Variants in NBAS observed in about 807,000 individuals in gnomAD.
NBAS encodes the protein NAG/BC035112 fusion.
In NBAS, 219 loss-of-function variants were observed where a neutral mutation model predicts 302.5. The ratio of observed to expected loss-of-function variants is 0.72; its 90% CI spans 0.65 to 0.81. The LOEUF is 0.81. Ranked by LOEUF, NBAS falls within the 30% of genes least tolerant of loss-of-function variation. The pLI is 0.00. For missense variants in NBAS, 2,932 were observed against 2,841.6 expected (o/e 1.03, Z -0.72); for synonymous variants, 1,118 against 1,021.6 (o/e 1.09, Z -1.80).
At chr2:14,858,955 A>G in the NBAS span, among the ~76,000 whole-genome samples, 2 of 152,050 alleles carry the variant, frequency 1.3e-5, no homozygotes, top group Non-Finnish European at 1.5e-5. Context: ...TACATCTACC[A>G]TGTACCCACA....
intron 44 of NBAS, among the ~76,000 whole-genome samples, chr2:15,241,806 A>G (rs1379373657): frequency 6.6e-6 from 1 of 152,130 alleles, no homozygotes; most frequent in African/African-American, 2.4e-5. Context: ...TTTTTTTTAA[A>G]TAAGCTCCCC....
the NBAS span, among the ~76,000 whole-genome samples, chr2:15,132,798 G>T: frequency 6.6e-6 from 1 of 151,026 alleles, no homozygotes; most frequent in African/African-American, 2.4e-5. Flanking sequence ...TTAATGATTA[G>T]AGCTTCTTTT....
intron 11 of NBAS, among the ~76,000 whole-genome samples, chr2:15,494,840 T>C (rs1681005619): frequency 6.6e-6 from 1 of 152,196 alleles, no homozygotes; most frequent in African/African-American, 2.4e-5. Flanking sequence ...ATATCTCTGA[T>C]GTGCACCTCC....
chr2:15,027,030 T>C, the NBAS span, among the ~76,000 whole-genome samples: 1 of 152,164 alleles, frequency 6.6e-6, no homozygotes, highest in African/African-American at 2.4e-5. Context: ...TAATACCTGG[T>C]CTCTACTCCC....
At chr2:15,250,937 A>G (rs951285326) in intron 44 of NBAS, among the ~76,000 whole-genome samples, 3 of 152,202 alleles carry the variant, frequency 2.0e-5, no homozygotes, top group South Asian at 4.1e-4. Context: ...ATACCATTTG[A>G]CCCAGCAATC....
chr2:15,352,217 C>A, intron 34 of NBAS, 136 bp from the exon 35 acceptor site: 1 of 666,130 alleles, frequency 1.5e-6, no homozygotes, highest in South Asian at 1.7e-5. Flanking sequence ...TGGTAACAGG[C>A]TTACTTCAGG....
At chr2:14,889,470 G>A in the NBAS span, among the ~76,000 whole-genome samples, 2 of 152,182 alleles carry the variant, frequency 1.3e-5, no homozygotes, top group Non-Finnish European at 2.9e-5. Flanking sequence ...TCATATGGAA[G>A]TATAAGAATC....
intron 38 of NBAS, among the ~76,000 whole-genome samples, chr2:15,316,414 G>A (rs752688677): frequency 2.0e-5 from 3 of 152,216 alleles, no homozygotes; most frequent in African/African-American, 7.2e-5. Flanking sequence ...GAAGTAGGGC[G>A]GGGTGTTGCC....
At chr2:15,144,817 T>C in the NBAS span, among the ~76,000 whole-genome samples, 1 of 152,236 alleles carries the variant, frequency 6.6e-6, no homozygotes, top group Non-Finnish European at 1.5e-5. Flanking sequence ...GATCTGGTTT[T>C]AGCACATGCA....
intron 7 of NBAS, among the ~76,000 whole-genome samples, chr2:15,536,831 T>C (rs1314088078): frequency 2.0e-5 from 3 of 152,046 alleles, no homozygotes; most frequent in African/African-American, 7.3e-5. Context: ...TGTATGTCAA[T>C]TGCAGAAAAA....
intron 35 of NBAS, among the ~76,000 whole-genome samples, chr2:15,342,425 G>A (rs1453414131): frequency 6.6e-6 from 1 of 152,076 alleles, no homozygotes; most frequent in Admixed American, 6.5e-5. Context: ...ACACATACCA[G>A]TATTACATGA....
chr2:15,071,589 A>C, the NBAS span, among the ~76,000 whole-genome samples: 2 of 147,636 alleles, frequency 1.4e-5, no homozygotes, highest in Non-Finnish European at 3.0e-5. Flanking sequence ...GTGCCACTGC[A>C]CTCCAGCCTG....
rs536766572 is a variant in NBAS, at chr2:15,443,926, C to T, written c.2340-16132G>A. On this transcript the variant is annotated intron_variant, in intron 21 of 51. Transcript: ENST00000281513. Reference sequence around the variant, plus strand: ...CAATTGCTTCAAAGAGAATAAAATACCTAGGAATCCAACTTACAAGGGATG... The same window carrying T: ...CAATTGCTTCAAAGAGAATAAAATATCTAGGAATCCAACTTACAAGGGATG... Among the ~76,000 whole-genome samples, 651 of 152,022 alleles carry T rather than the reference C, an allele frequency of 4.3e-3. 6 individuals are homozygous for T. Among genetic ancestry groups the T allele is most frequent in the African/African-American group, 0.015 (619 of 41,420 alleles).
intron 44 of NBAS, among the ~76,000 whole-genome samples, chr2:15,240,562 A>G (rs1027033822): frequency 2.0e-5 from 3 of 152,028 alleles, no homozygotes; most frequent in Non-Finnish European, 4.4e-5. Context: ...GGCTGCAGTG[A>G]GCCGAGATCG....
At chr2:14,845,883 A>G in the NBAS span, among the ~76,000 whole-genome samples, 1 of 151,890 alleles carries the variant, frequency 6.6e-6, no homozygotes, top group Non-Finnish European at 1.5e-5. Context: ...AAAAAAGAAT[A>G]AAAAACAAAG....
intron 49 of NBAS, among the ~76,000 whole-genome samples, chr2:15,187,818 G>A (rs554366605): frequency 2.0e-5 from 3 of 152,244 alleles, no homozygotes; most frequent in African/African-American, 7.2e-5. Flanking sequence ...TATTCCTTGG[G>A]CCCTGAAAAG....
At chr2:15,244,399 A>G (rs1667996952) in intron 44 of NBAS, among the ~76,000 whole-genome samples, 1 of 152,048 alleles carries the variant, frequency 6.6e-6, no homozygotes, top group Non-Finnish European at 1.5e-5. Flanking sequence ...AGAACAAAGG[A>G]TAACAAGGTT....
At chr2:15,006,717 C>G in the NBAS span, among the ~76,000 whole-genome samples, 1 of 152,158 alleles carries the variant, frequency 6.6e-6, no homozygotes, top group Non-Finnish European at 1.5e-5. Context: ...AAATGTCTCT[C>G]CCAACTTTCC....
chr2:15,315,909 C>G (rs1671487440), intron 38 of NBAS, among the ~76,000 whole-genome samples: 1 of 152,068 alleles, frequency 6.6e-6, no homozygotes, highest in African/African-American at 2.4e-5. Flanking sequence ...CAGCCCTCAC[C>G]CAGACTCAGA....
Sources: gnomAD v4.1 joint callset for allele counts (sites outside exome capture counted in the v4.1 genomes callset) on GRCh38, gnomAD v4.1.1 for gene constraint, MANE v1.5 for transcripts, NCBI Gene and HGNC (gene_info 2026-07-23, HGNC 2026-07-21) for gene names.